TMEM178A: variants seen among roughly 807,000 people sequenced by gnomAD.
The protein encoded by TMEM178A is transmembrane protein 178A, also known as transmembrane protein 178.
In TMEM178A, 12 loss-of-function variants were observed where a neutral mutation model predicts 29.1. The observed-to-expected ratio is 0.41, with a 90% CI of 0.26 to 0.67. TMEM178A has a LOEUF of 0.67. Among genes scored for constraint, TMEM178A ranks in the 30% least tolerant of loss-of-function variants. The pLI, the probability that TMEM178A is intolerant of heterozygous loss-of-function variation, is 0.29. For synonymous variants in TMEM178A, 210 were observed against 187.2 expected, an observed-to-expected ratio of 1.12 and a Z score of -0.99; for missense variants, 366 against 419.1, an observed-to-expected ratio of 0.87 and a Z score of 1.11.
At chr2:39,725,120 A>T in the TMEM178A span, among the ~76,000 whole-genome samples, 1 of 152,146 alleles carries the variant, frequency 6.6e-6, no homozygotes, top group Non-Finnish European at 1.5e-5. Flanking sequence ...ATGGTTTTCA[A>T]GAGAAGTGAA....
chr2:39,705,676 C>A (rs184897252), intron 2 of TMEM178A, among the ~76,000 whole-genome samples: 2 of 152,174 alleles, frequency 1.3e-5, no homozygotes, highest in Non-Finnish European at 2.9e-5. Context: ...GGCTAAGGTG[C>A]TAAGAGCAAG....
intron 1 of TMEM178A, among the ~76,000 whole-genome samples, chr2:39,681,510 G>C (rs1049953709): frequency 1.3e-5 from 2 of 152,248 alleles, no homozygotes; most frequent in African/African-American, 4.8e-5. Flanking sequence ...ATGGGAAAGA[G>C]GGGGAGAGAG....
At chr2:39,670,900 T>C (rs1670383371) in intron 1 of TMEM178A, among the ~76,000 whole-genome samples, 1 of 152,190 alleles carries the variant, frequency 6.6e-6, no homozygotes, top group Admixed American at 6.6e-5. Flanking sequence ...ATATATACTT[T>C]GTGCATGTCA....
intron 1 of TMEM178A, among the ~76,000 whole-genome samples, chr2:39,678,236 C>G (rs982629385): frequency 6.6e-6 from 1 of 151,826 alleles, no homozygotes; most frequent in African/African-American, 2.4e-5. Context: ...AGGTATATAC[C>G]CCCAAAAGTT....
the TMEM178A span, among the ~76,000 whole-genome samples, chr2:39,723,050 C>A: frequency 2.6e-5 from 4 of 152,208 alleles, no homozygotes; most frequent in Admixed American, 6.5e-5. Context: ...AGGGCCTGGG[C>A]TCCCTTGACT....
At chr2:39,687,007 GTGTGTGTGTA>G (rs1375246658) in intron 1 of TMEM178A, among the ~76,000 whole-genome samples, 3 of 113,086 alleles carry the variant, frequency 2.7e-5, no homozygotes, top group African/African-American at 6.8e-5. Context: ...GTGTGTGTGT[GTGTGTGTGTA>G]TTATGAGATG....
At chr2:39,689,811 G>A (rs928284940) in intron 1 of TMEM178A, among the ~76,000 whole-genome samples, 7 of 152,198 alleles carry the variant, frequency 4.6e-5, no homozygotes, top group Non-Finnish European at 1.0e-4. Context: ...GAATACCCCT[G>A]TGGTAACTCA....
chr2:39,690,104 G>A (rs1320752878), intron 1 of TMEM178A, among the ~76,000 whole-genome samples: 2 of 152,170 alleles, frequency 1.3e-5, no homozygotes, highest in Admixed American at 6.5e-5. Context: ...TGTTTGAATA[G>A]TCCAGGGGAA....
At chr2:39,721,743 C>T (rs1031407627), downstream of TMEM178A, among the ~76,000 whole-genome samples, 2 of 152,004 alleles carry the variant, frequency 1.3e-5, no homozygotes, top group African/African-American at 4.8e-5. Context: ...CCTGTCATTC[C>T]GGTGTTTTGG....
At chr2:39,696,602 C>G (rs1199404363) in intron 1 of TMEM178A, among the ~76,000 whole-genome samples, 4 of 152,164 alleles carry the variant, frequency 2.6e-5, no homozygotes, top group Non-Finnish European at 5.9e-5. Context: ...GATTCAAACC[C>G]AAGTCTGTCT....
At chr2:39,676,035 C>G (rs1471644461) in intron 1 of TMEM178A, among the ~76,000 whole-genome samples, 1 of 152,210 alleles carries the variant, frequency 6.6e-6, no homozygotes, top group African/African-American at 2.4e-5. Context: ...ATCCTCCCAC[C>G]TTGGCCTTCC....
At chr2:39,695,178 G>A (rs1671484250) in intron 1 of TMEM178A, among the ~76,000 whole-genome samples, 1 of 152,094 alleles carries the variant, frequency 6.6e-6, no homozygotes, top group Non-Finnish European at 1.5e-5. Context: ...GACGTGTGCT[G>A]GGGAAATAAT....
Position 39,717,315 on chromosome 2 carries a change from A to AG in TMEM178A, c.*65dup. On this transcript the variant is annotated 3_prime_UTR_variant, in exon 4 of 4. Coordinates refer to ENST00000281961, the MANE Select transcript of TMEM178A (RefSeq NM_152390.3). ...TGAGGGGAACAGCGCGGAGTTCAGGAGTCCAAGCACAAAGCGGTCTTTTAC... is the reference window on the plus strand; with the variant it reads ...TGAGGGGAACAGCGCGGAGTTCAGGAGGTCCAAGCACAAAGCGGTCTTTTAC... 1 of 1,554,322 alleles carries AG rather than the reference A, an allele frequency of 6.4e-7. No homozygotes were observed. The highest frequency in any genetic ancestry group is 2.3e-5 in the East Asian group (1 of 44,164).
chr2:39,700,441 T>A (rs998272849), intron 1 of TMEM178A, among the ~76,000 whole-genome samples: 2 of 152,100 alleles, frequency 1.3e-5, no homozygotes, highest in Admixed American at 6.5e-5. Flanking sequence ...TTCTCTCTGG[T>A]AACAATTTTT....
chr2:39,716,705 GAAT>G (rs1367704704), intron 3 of TMEM178A, among the ~76,000 whole-genome samples: 3 of 151,966 alleles, frequency 2.0e-5, no homozygotes, highest in Non-Finnish European at 4.4e-5. Flanking sequence ...TTGTTTTTAA[GAAT>G]AAAAAAAGAA....
the TMEM178A span, among the ~76,000 whole-genome samples, chr2:39,725,473 G>A: frequency 6.6e-6 from 1 of 152,162 alleles, no homozygotes; most frequent in Non-Finnish European, 1.5e-5. Flanking sequence ...TCTTCCTTCA[G>A]GGAAAGACAA....
At chr2:39,721,343 C>G (rs1488964414), downstream of TMEM178A, among the ~76,000 whole-genome samples, 1 of 152,214 alleles carries the variant, frequency 6.6e-6, no homozygotes, top group Non-Finnish European at 1.5e-5. Flanking sequence ...TAGAATATGT[C>G]TGCCTGGAGC....
intron 1 of TMEM178A, among the ~76,000 whole-genome samples, chr2:39,679,608 A>G (rs532284040): frequency 1.3e-5 from 2 of 152,308 alleles, no homozygotes; most frequent in Admixed American, 1.3e-4. Flanking sequence ...GGAAGTCACT[A>G]CCTTCAAGAA....
At chr2:39,727,976 G>T in the TMEM178A span, among the ~76,000 whole-genome samples, 1 of 152,110 alleles carries the variant, frequency 6.6e-6, no homozygotes, top group African/African-American at 2.4e-5. Flanking sequence ...TGGACATTTG[G>T]GTTGGTTCCA....
Sources: allele counts gnomAD v4.1 joint callset (sites outside exome capture counted in the v4.1 genomes callset), GRCh38; gene constraint gnomAD v4.1.1; transcripts MANE v1.5; gene names NCBI Gene and HGNC (gene_info 2026-07-23, HGNC 2026-07-21).